The following LRRC4C variants were observed in gnomAD, a reference collection of about 807,000 sequenced individuals.
The protein encoded by LRRC4C is leucine rich repeat containing 4C, also known as leucine-rich repeat-containing protein 4C.
A neutral mutation model predicts 33.6 loss-of-function variants in LRRC4C; 5 were observed. The observed-to-expected ratio is 0.15, with a 90% CI of 0.08 to 0.31. The LOEUF (loss-of-function observed/expected upper bound fraction) is 0.31. Among genes scored for constraint, LRRC4C ranks in the 10% least tolerant of loss-of-function variants. The pLI is 1.00. For missense variants in LRRC4C, 560 were observed against 796.7 expected (o/e 0.70, Z 3.58); for synonymous variants, 329 against 302.0 (o/e 1.09, Z -0.93).
intron 3 of LRRC4C, among the ~76,000 whole-genome samples, chr11:40,469,645 C>T (rs907210011): frequency 6.6e-6 from 1 of 152,192 alleles, no homozygotes. Flanking sequence ...GAAATTCTTG[C>T]TGCCAGGACA....
Position 40,115,180 on chromosome 11 carries a change from A to G in LRRC4C, c.1113T>C (p.Ala371=), listed in dbSNP as rs771164000. Residue 371 remains alanine, a synonymous_variant, in exon 7 of 7, where the codon GCT becomes GCC. Transcript: ENST00000528697. The surrounding 1 kb of genome is among the most constrained non-coding windows in gnomAD (Gnocchi z 6.7). ...ATGTGGAGGCCCGACATTTCAGCTCAGCTGCCATGCCTTCAGTGACATTGA... is the reference window on the plus strand; with the variant it reads ...ATGTGGAGGCCCGACATTTCAGCTCGGCTGCCATGCCTTCAGTGACATTGA... ...ADLNVTEGMA[A]ELKCRASTSL... is the part of the protein sequence containing the mutation. 212 of 1,614,088 alleles carry G rather than the reference A, an allele frequency of 1.3e-4. 1 individual carries two copies. Among genetic ancestry groups the G allele is most frequent in the Non-Finnish European group, 3.2e-5 (38 of 1,180,022 alleles).
At chr11:41,071,731 G>C (rs1395736990) in intron 1 of LRRC4C, among the ~76,000 whole-genome samples, 6 of 152,160 alleles carry the variant, frequency 3.9e-5, no homozygotes, top group Non-Finnish European at 8.8e-5. Context: ...ATTTTGAAAA[G>C]CTCTAGCTAC....
intron 4 of LRRC4C, among the ~76,000 whole-genome samples, chr11:40,259,632 C>T (rs1019920707): frequency 2.6e-5 from 4 of 152,192 alleles, no homozygotes; most frequent in Admixed American, 2.0e-4. Context: ...CTACATACGG[C>T]TAGCCAGTTT....
chr11:41,298,467 T>C (rs1448718615), intron 1 of LRRC4C, among the ~76,000 whole-genome samples: 6 of 151,996 alleles, frequency 3.9e-5, no homozygotes, highest in Admixed American at 3.3e-4. Context: ...AACGCAGTCA[T>C]TATTGAATTG....
chr11:41,015,319 T>C (rs1425759892), intron 1 of LRRC4C, among the ~76,000 whole-genome samples: 1 of 152,206 alleles, frequency 6.6e-6, no homozygotes, highest in African/African-American at 2.4e-5. Flanking sequence ...TTATATATTT[T>C]AAAATTTTGT....
rs542236795 is a variant in LRRC4C at position 41,310,990 on chromosome 11, GTATTAA to G, written c.-496+148435_-496+148440del. Among the ~76,000 whole-genome samples the G allele has an allele frequency of 3.2e-4, 48 of 152,246 alleles. 1 individual carries two copies. The South Asian group carries it at 9.1e-3, about 29-fold the overall frequency. On this transcript the variant is annotated intron_variant, in intron 1 of 6. Transcript: ENST00000528697. ...CAAAGCACAACCTTCACACACACAAGTATTAATATTATTTCCAACCTTCGCTTAGTG... is the reference window on the plus strand; with the variant it reads ...CAAAGCACAACCTTCACACACACAAGTATTATTTCCAACCTTCGCTTAGTG...
chr11:40,346,621 A>C (rs1947142699), intron 3 of LRRC4C, among the ~76,000 whole-genome samples: 1 of 152,134 alleles, frequency 6.6e-6, no homozygotes, highest in African/African-American at 2.4e-5. Context: ...TACCTGGGTG[A>C]TGAAATAATC....
intron 3 of LRRC4C, among the ~76,000 whole-genome samples, chr11:40,628,350 T>C (rs954265166): frequency 2.6e-5 from 4 of 151,892 alleles, no homozygotes; most frequent in African/African-American, 7.3e-5. Context: ...TGGTGGCGGG[T>C]GCCTGTAGTC....
intron 2 of LRRC4C, among the ~76,000 whole-genome samples, chr11:40,739,512 C>A (rs566157097): frequency 2.6e-5 from 4 of 151,746 alleles, no homozygotes; most frequent in African/African-American, 9.7e-5. Flanking sequence ...TCAATATATA[C>A]AATTATATAT....
At position 41,016,040 on chromosome 11, in the gene LRRC4C, G is replaced by A. The variant is rs116604612; in HGVS notation, c.-495-82317C>T. 4.8e-3 allele frequency among the ~76,000 whole-genome samples: 734 copies of A among 152,076 alleles called. 6 individuals are homozygous for A. The highest frequency in any genetic ancestry group is 0.017 in the African/African-American group (703 of 41,494). ...CAACAAAAAGTATCAAGAATATGTA[G>A]CTGGAGTGCAAACTCAATCTATATT... is the stretch of plus-strand genomic sequence containing the variant. On this transcript the variant is annotated intron_variant, in intron 1 of 6. Transcript: ENST00000528697.
At chr11:40,971,377 T>A (rs1158920411) in intron 1 of LRRC4C, among the ~76,000 whole-genome samples, 1 of 152,210 alleles carries the variant, frequency 6.6e-6, no homozygotes, top group Non-Finnish European at 1.5e-5. Context: ...TTTGAGCTAC[T>A]GCTTCAGAAG....
intron 1 of LRRC4C, among the ~76,000 whole-genome samples, chr11:41,308,915 C>T (rs915512172): frequency 6.6e-6 from 1 of 152,104 alleles, no homozygotes; most frequent in Non-Finnish European, 1.5e-5. Flanking sequence ...AGTGATTCTC[C>T]CGCCTCAGCC....
chr11:41,045,612 C>T (rs186298536), intron 1 of LRRC4C, among the ~76,000 whole-genome samples: 5 of 152,080 alleles, frequency 3.3e-5, no homozygotes, highest in African/African-American at 4.8e-5. Flanking sequence ...GATGAATTCA[C>T]ATAGCTTTAG....
intron 1 of LRRC4C, among the ~76,000 whole-genome samples, chr11:41,256,931 A>G (rs1948820121): frequency 6.6e-6 from 1 of 152,048 alleles, no homozygotes; most frequent in African/African-American, 2.4e-5. Flanking sequence ...TCTCTTTATT[A>G]TACCAAACAT....
At chr11:40,337,016 A>T (rs1463651627) in intron 3 of LRRC4C, among the ~76,000 whole-genome samples, 1 of 144,386 alleles carries the variant, frequency 6.9e-6, no homozygotes, top group Non-Finnish European at 1.5e-5. Context: ...AGAGCGAATC[A>T]GGGAAAGGGA....
intron 3 of LRRC4C, among the ~76,000 whole-genome samples, chr11:40,583,158 C>G (rs1354079294): frequency 6.6e-6 from 1 of 152,116 alleles, no homozygotes; most frequent in Non-Finnish European, 1.5e-5. Context: ...TCTATAAATT[C>G]CCGTTCTCGG....
At position 40,968,926 on chromosome 11, in the gene LRRC4C, C is replaced by T. The variant is rs192137798; in HGVS notation, c.-495-35203G>A. Among the ~76,000 whole-genome samples, 17 of 152,170 alleles carry T rather than the reference C, an allele frequency of 1.1e-4. No individual in the cohort carries two copies. The East Asian group carries it at 1.7e-3, about 16-fold the overall frequency. ...CAAGGAGTTGTTTTGACTGCCAAGACGTTTTATTTAAGAAACACATTGTAT... is the reference window on the plus strand; with the variant it reads ...CAAGGAGTTGTTTTGACTGCCAAGATGTTTTATTTAAGAAACACATTGTAT... On this transcript the variant is annotated intron_variant, in intron 1 of 6. Coordinates refer to ENST00000528697, the MANE Select transcript of LRRC4C (RefSeq NM_001258419.2).
At chr11:41,206,976 A>G (rs1946626607) in intron 1 of LRRC4C, among the ~76,000 whole-genome samples, 1 of 152,160 alleles carries the variant, frequency 6.6e-6, no homozygotes, top group South Asian at 2.1e-4. Flanking sequence ...CACTATATAT[A>G]TATTTTTCTG....
At chr11:41,112,252 T>C (rs1050232635) in intron 1 of LRRC4C, among the ~76,000 whole-genome samples, 2 of 152,026 alleles carry the variant, frequency 1.3e-5, no homozygotes, top group Admixed American at 6.6e-5. Context: ...GATTGCTCAA[T>C]GACAAAAACA....
Sources: allele counts gnomAD v4.1 joint callset (sites outside exome capture counted in the v4.1 genomes callset), GRCh38; gene constraint gnomAD v4.1.1; non-coding constraint Gnocchi (gnomAD v3.1); transcripts MANE v1.5; gene names NCBI Gene and HGNC (gene_info 2026-07-23, HGNC 2026-07-21).